The following ERBB4 variants were observed in gnomAD, a reference collection of about 807,000 sequenced individuals.
The protein encoded by ERBB4 is receptor tyrosine-protein kinase erbB-4.
In ERBB4, 42 loss-of-function variants were observed where a neutral mutation model predicts 158.0. That is an observed-to-expected ratio of 0.27 (90% CI 0.21 to 0.34). The LOEUF (loss-of-function observed/expected upper bound fraction) is 0.34, where lower values mean the gene tolerates loss of function less well. ERBB4 is among the 10% of genes least tolerant of loss of function. The probability of loss-of-function intolerance (pLI) is 1.00; values close to 1 mark genes in which losing one functional copy is unlikely to be tolerated. For synonymous variants in ERBB4, 583 were observed against 558.7 expected (o/e 1.04, Z -0.61); for missense variants, 1,333 against 1,624.1 (o/e 0.82, Z 3.08).
At chr2:212,077,188 C>T (rs1042163785) in intron 2 of ERBB4, among the ~76,000 whole-genome samples, 11 of 151,866 alleles carry the variant, frequency 7.2e-5, no homozygotes, top group Admixed American at 1.3e-4. Flanking sequence ...ATGGTACATA[C>T]GTATTAATAA....
At chr2:211,425,621 AAT>A (rs907281878) in intron 22 of ERBB4, among the ~76,000 whole-genome samples, 5 of 151,364 alleles carry the variant, frequency 3.3e-5, no homozygotes, top group Admixed American at 6.6e-5. Flanking sequence ...ATACTTACAG[AAT>A]ATATATATAT....
At chr2:211,508,089 C>G (rs906741398) in intron 20 of ERBB4, among the ~76,000 whole-genome samples, 15 of 152,052 alleles carry the variant, frequency 9.9e-5, no homozygotes, top group African/African-American at 3.4e-4. Flanking sequence ...GACTTCATGA[C>G]TAAAACACAA....
rs764463489 is a variant in ERBB4 at position 212,384,920 on chromosome 2, T to TATATATATAC, written c.82+153528_82+153529insGTATATATAT. ...ATATATATATATATATATATATATA[T>TATATATATAC]ACACACACACACACACTCACACACA... On this transcript the variant is annotated intron_variant, in intron 1 of 27. Coordinates refer to ENST00000342788, the MANE Select transcript of ERBB4 (RefSeq NM_005235.3). Among the ~76,000 whole-genome samples, 82 of 123,756 alleles carry TATATATATAC rather than the reference T, an allele frequency of 6.6e-4. 1 individual carries two copies. Among genetic ancestry groups the TATATATATAC allele is most frequent in the Middle Eastern group, 4.0e-3 (1 of 252 alleles). 81.2% of individuals were successfully genotyped at this position (123,756 alleles called of 152,430 possible). A position where few individuals can be genotyped will look rare whatever the true frequency, so the allele number is the denominator to read the frequency against.
rs184903716 is a variant in ERBB4, at chr2:212,344,236, G to C, written c.82+194213C>G. Among the ~76,000 whole-genome samples the C allele has an allele frequency of 6.0e-4, 91 of 152,186 alleles. No homozygotes were observed. The East Asian group carries it at 0.016, about 26-fold the overall frequency. On this transcript the variant is annotated intron_variant, in intron 1 of 27. Transcript: ENST00000342788. ...TGGCCTCTGAACTAATGACATCATG[G>C]GGCTGGATAATTCTTTGTTGTGGGG...
intron 20 of ERBB4, among the ~76,000 whole-genome samples, chr2:211,460,258 G>A (rs1413029235): frequency 4.0e-5 from 6 of 151,780 alleles, no homozygotes; most frequent in African/African-American, 9.7e-5. Flanking sequence ...TTTTTTTTAT[G>A]ATTGAAAATG....
chr2:211,590,608 C>T (rs1291775994), intron 19 of ERBB4, among the ~76,000 whole-genome samples: 1 of 152,090 alleles, frequency 6.6e-6, no homozygotes, highest in African/African-American at 2.4e-5. Context: ...CCAGCACTCC[C>T]CAACTCACTG....
At chr2:211,812,683 C>T (rs1351611437) in intron 3 of ERBB4, among the ~76,000 whole-genome samples, 1 of 152,216 alleles carries the variant, frequency 6.6e-6, no homozygotes, top group Non-Finnish European at 1.5e-5. Context: ...TGCTGAGCTG[C>T]CGTGGGCTCC....
intron 25 of ERBB4, among the ~76,000 whole-genome samples, chr2:211,401,412 A>G (rs1468089644): frequency 6.6e-6 from 1 of 152,000 alleles, no homozygotes; most frequent in Non-Finnish European, 1.5e-5. Flanking sequence ...GAACACTTGA[A>G]AGCATCCAGG....
chr2:211,919,047 C>T (rs1014792106), intron 3 of ERBB4, among the ~76,000 whole-genome samples: 5 of 152,022 alleles, frequency 3.3e-5, no homozygotes, highest in African/African-American at 1.2e-4. Flanking sequence ...CCTCCCCCAG[C>T]CCATGGAGGT....
chr2:211,669,630 G>A (rs552067588), intron 14 of ERBB4, among the ~76,000 whole-genome samples: 1 of 152,072 alleles, frequency 6.6e-6, no homozygotes, highest in Non-Finnish European at 1.5e-5. Flanking sequence ...GGACATAAGC[G>A]CAAAGGCCTT....
chr2:212,346,397 G>A (rs1191486133), intron 1 of ERBB4, among the ~76,000 whole-genome samples: 1 of 150,672 alleles, frequency 6.6e-6, no homozygotes, highest in Non-Finnish European at 1.5e-5. Flanking sequence ...CGGATTTTGT[G>A]TTTATGTGTA....
At chr2:212,403,661 T>C (rs1182169100) in intron 1 of ERBB4, among the ~76,000 whole-genome samples, 2 of 152,030 alleles carry the variant, frequency 1.3e-5, no homozygotes, top group Non-Finnish European at 2.9e-5. Flanking sequence ...GGACAATTTA[T>C]ATGAGATACT....
intron 20 of ERBB4, among the ~76,000 whole-genome samples, chr2:211,542,777 A>G (rs2066845251): frequency 6.6e-6 from 1 of 151,920 alleles, no homozygotes; most frequent in Admixed American, 6.6e-5. Context: ...GTGCTTTAGA[A>G]TTATTAATAA....
At chr2:211,415,206 T>C (rs1445708948) in intron 25 of ERBB4, among the ~76,000 whole-genome samples, 1 of 130,354 alleles carries the variant, frequency 7.7e-6, no homozygotes, top group Non-Finnish European at 1.6e-5. Flanking sequence ...AAGCTCCGCC[T>C]CCCGGGTTCA....
intron 4 of ERBB4, among the ~76,000 whole-genome samples, chr2:211,756,044 A>T (rs1282057959): frequency 6.6e-6 from 1 of 152,190 alleles, no homozygotes; most frequent in Non-Finnish European, 1.5e-5. Context: ...TATAATTCAA[A>T]ATAGGAAAGT....
At chr2:211,493,602 AG>A (rs1334475758) in intron 20 of ERBB4, among the ~76,000 whole-genome samples, 3 of 152,100 alleles carry the variant, frequency 2.0e-5, no homozygotes, top group Non-Finnish European at 4.4e-5. Context: ...TTTGCATAGC[AG>A]TTTATGGTTA....
chr2:212,404,422 C>G (rs543443598), intron 1 of ERBB4, among the ~76,000 whole-genome samples: 1 of 152,140 alleles, frequency 6.6e-6, no homozygotes, highest in South Asian at 2.1e-4. Flanking sequence ...TCCATCTGTT[C>G]TTTGATTCAA....
At chr2:211,397,657 C>G (rs1036963804) in intron 25 of ERBB4, among the ~76,000 whole-genome samples, 20 of 152,068 alleles carry the variant, frequency 1.3e-4, no homozygotes, top group African/African-American at 4.8e-4. Flanking sequence ...TCAGTGTTTC[C>G]CCACTAAGGT....
chr2:212,245,625 A>AT (rs148602205), intron 1 of ERBB4, among the ~76,000 whole-genome samples: 23,406 of 152,114 alleles, frequency 0.15, 2,223 homozygotes, highest in Non-Finnish European at 0.2. Context: ...ATCACAAATG[A>AT]TTTTCCCATT....
Sources: gnomAD v4.1 joint callset for allele counts (sites outside exome capture counted in the v4.1 genomes callset) on GRCh38, gnomAD v4.1.1 for gene constraint, MANE v1.5 for transcripts, NCBI Gene and HGNC (gene_info 2026-07-23, HGNC 2026-07-21) for gene names.